Variants in H4C15 observed in about 807,000 individuals in gnomAD.
The protein encoded by H4C15 is histone H4.
the H4C15 span, chr1:149,847,207 C>T: frequency 6.6e-6 from 1 of 152,184 alleles, no homozygotes; most frequent in Non-Finnish European, 1.5e-5. Flanking sequence ...TGGGGCCTAC[C>T]TGGATAATCT....
chr1:149,845,817 A>G, the H4C15 span: 1 of 152,244 alleles, frequency 6.6e-6, no homozygotes, highest in Admixed American at 6.5e-5. Flanking sequence ...GATTTAGTAT[A>G]GGCTGACTGA....
the H4C15 span, chr1:149,844,636 G>A: frequency 2.0e-5 from 3 of 152,014 alleles, no homozygotes; most frequent in Admixed American, 6.6e-5. Context: ...AGCATACTGC[G>A]GCGTCCTGGT....
the H4C15 span, chr1:149,844,929 A>C: frequency 1.3e-5 from 2 of 152,172 alleles, no homozygotes; most frequent in Non-Finnish European, 2.9e-5. Flanking sequence ...TAAAGCATGG[A>C]GGTAGGGGTG....
the H4C15 span, chr1:149,848,561 T>A: frequency 6.6e-6 from 1 of 152,118 alleles, no homozygotes; most frequent in South Asian, 2.1e-4. Context: ...CATACTACAC[T>A]CCCCTGCTGA....
chr1:149,845,560 A>C, the H4C15 span: 1 of 152,278 alleles, frequency 6.6e-6, no homozygotes, highest in Non-Finnish European at 1.5e-5. Flanking sequence ...GGCAGGAACA[A>C]GCTTGGTGAA....
At chr1:149,845,314 A>G in the H4C15 span, 1 of 152,246 alleles carries the variant, frequency 6.6e-6, no homozygotes, top group Non-Finnish European at 1.5e-5. Context: ...AGTAAACAGA[A>G]TAGAAAAAGT....
the H4C15 span, chr1:149,845,259 AAAG>A: frequency 2.6e-5 from 4 of 152,400 alleles, no homozygotes; most frequent in African/African-American, 4.8e-5. Flanking sequence ...AGGGAGAAGA[AAAG>A]AAACCACTGC....
At chr1:149,855,386 T>TAG (rs1448754631), downstream of H4C15, among the ~76,000 whole-genome samples, 2 of 99,986 alleles carry the variant, frequency 2.0e-5, no homozygotes, top group African/African-American at 7.2e-5. Context: ...GGGGGACAGG[T>TAG]GTGTGTGTGT....
the H4C15 span, chr1:149,847,812 GA>G: frequency 6.6e-6 from 1 of 152,120 alleles, no homozygotes; most frequent in African/African-American, 2.4e-5. Flanking sequence ...TCTCAAGAAA[GA>G]AAGTAAAAAA....
chr1:149,846,160 C>A, the H4C15 span: 2 of 151,960 alleles, frequency 1.3e-5, no homozygotes, highest in Admixed American at 1.3e-4. Flanking sequence ...CACACTCACT[C>A]CCCCCCGCCA....
chr1:149,849,138 T>C (rs1225775770), downstream of H4C15: 3 of 152,358 alleles, frequency 2.0e-5, no homozygotes, highest in South Asian at 6.2e-4. Context: ...GTTAGCTAAA[T>C]CCTGTTCCTC....
chr1:149,845,877 G>A, the H4C15 span: 14 of 152,200 alleles, frequency 9.2e-5, no homozygotes, highest in African/African-American at 2.4e-4. Flanking sequence ...CACTTGAAAA[G>A]AGCTGCTATT....
downstream of H4C15, among the ~76,000 whole-genome samples, chr1:149,849,670 G>A (rs189649826): frequency 9.7e-4 from 147 of 152,182 alleles, no homozygotes; most frequent in African/African-American, 3.2e-3. Flanking sequence ...GATAACTCTT[G>A]GGGAAAAAAA....
At chr1:149,850,140 T>C (rs1344092569), downstream of H4C15, 1 of 561,158 alleles carries the variant, frequency 1.8e-6, no homozygotes, top group South Asian at 1.9e-5. Context: ...AAGATACCAC[T>C]ATCAATCTAT....
chr1:149,848,165 G>A, the H4C15 span: 2 of 151,958 alleles, frequency 1.3e-5, no homozygotes, highest in Non-Finnish European at 2.9e-5. Flanking sequence ...GGTAATATTA[G>A]TCTTTAGCCT....
chr1:149,847,279 T>G, the H4C15 span: 1 of 152,202 alleles, frequency 6.6e-6, no homozygotes, highest in Non-Finnish European at 1.5e-5. Context: ...TAAGGTAATA[T>G]TCACAGGCTG....
downstream of H4C15, among the ~76,000 whole-genome samples, chr1:149,849,877 T>A (rs1553757506): frequency 6.6e-6 from 1 of 152,234 alleles, no homozygotes; most frequent in Non-Finnish European, 1.5e-5. Context: ...ATATAAAAGT[T>A]GAGCTATTCC....
downstream of H4C15, chr1:149,850,620 C>T (rs1237242294): frequency 1.9e-6 from 1 of 522,864 alleles, no homozygotes; most frequent in African/African-American, 3.3e-5. Flanking sequence ...ATGCCGGTGT[C>T]GGGGTGGACC....
At chr1:149,846,989 A>G in the H4C15 span, 1 of 152,196 alleles carries the variant, frequency 6.6e-6, no homozygotes. Flanking sequence ...CTCGGTAGAA[A>G]TCAAGGCTGC....
Sources: allele counts gnomAD v4.1 joint callset (sites outside exome capture counted in the v4.1 genomes callset), GRCh38; gene constraint gnomAD v4.1.1; transcripts MANE v1.5; gene names NCBI Gene and HGNC (gene_info 2026-07-23, HGNC 2026-07-21).